KDM6A: variants seen among roughly 807,000 people sequenced by gnomAD.
The protein encoded by KDM6A is lysine demethylase 6A, also known as lysine-specific demethylase 6A.
A neutral mutation model predicts 117.6 loss-of-function variants in KDM6A; 11 were observed. The ratio of observed to expected loss-of-function variants is 0.09; its 90% CI spans 0.06 to 0.15. The LOEUF (loss-of-function observed/expected upper bound fraction) is 0.15. KDM6A is among the 10% of genes least tolerant of loss of function. The pLI is 1.00. For missense variants in KDM6A, 799 were observed against 1,077.3 expected (o/e 0.74, Z 3.62); for synonymous variants, 384 against 396.1 (o/e 0.97, Z 0.36).
At position 45,042,638 on chromosome X, in the gene KDM6A, T is replaced by C. The variant is rs367741353; in HGVS notation, c.654+4949T>C. 3.7e-5 allele frequency among the ~76,000 whole-genome samples: 4 copies of C among 106,984 alleles called. No homozygotes were observed. In the East Asian group the frequency reaches 1.2e-3, roughly 32 times the overall value. The allele number at this position is 106,984 out of a possible 115,157, so 92.9% of individuals were successfully genotyped here. A position where few individuals can be genotyped will look rare whatever the true frequency, so the allele number is the denominator to read the frequency against. On this transcript the variant is annotated intron_variant, in intron 8 of 29. Transcript: ENST00000611820. The stretch of plus-strand genomic sequence containing the variant: ...AACAATAGTTCAAGGGAAGTTTCTC[T>C]ACTTCTCTACATAGGAAGAAGTTTC...
intron 2 of KDM6A, among the ~76,000 whole-genome samples, chrX:44,945,147 C>T (rs2037558019): frequency 9.0e-6 from 1 of 111,360 alleles, no homozygotes; most frequent in African/African-American, 3.3e-5. Context: ...TGTAGGTTGA[C>T]AGAGTCGCCT....
chrX:45,091,013 A>G (rs1459417979), intron 27 of KDM6A, 149 bp downstream of exon 27: 3 of 621,968 alleles, frequency 4.8e-6, no homozygotes, highest in Non-Finnish European at 7.5e-6. Flanking sequence ...CATGTTAAAA[A>G]TATTTTTCCC....
intron 2 of KDM6A, among the ~76,000 whole-genome samples, chrX:44,907,207 T>A (rs1268869573): frequency 1.8e-5 from 2 of 112,610 alleles, no homozygotes; most frequent in Non-Finnish European, 3.8e-5. Context: ...TGTTTTAATT[T>A]TCTGTGTTTT....
chrX:44,876,704 G>C (rs1204723863), intron 2 of KDM6A, among the ~76,000 whole-genome samples: 2 of 92,089 alleles, frequency 2.2e-5, no homozygotes, highest in East Asian at 3.6e-4. Context: ...ATTACTACTT[G>C]TTTTCAAAAA....
chrX:44,961,576 A>T (rs1038442493), intron 3 of KDM6A, among the ~76,000 whole-genome samples, 184 bp downstream of exon 3: 1 of 111,990 alleles, frequency 8.9e-6, no homozygotes, highest in African/African-American at 3.2e-5. Context: ...TAAAAGTGAA[A>T]ACCACCTGCA....
intron 5 of KDM6A, among the ~76,000 whole-genome samples, chrX:45,011,768 ATTTATTTATTTAT>A (rs2041767780): frequency 3.6e-5 from 4 of 110,883 alleles, no homozygotes; most frequent in African/African-American, 6.5e-5. Flanking sequence ...TTGTTTATTT[ATTTATTTATTTAT>A]TTTATTTATT....
intron 4 of KDM6A, among the ~76,000 whole-genome samples, chrX:44,980,608 A>G (rs765542911): frequency 9.8e-6 from 1 of 101,634 alleles, no homozygotes; most frequent in Non-Finnish European, 2.0e-5. Flanking sequence ...TTTTATTTCC[A>G]ATTGTTTTAT....
At chrX:45,093,374 C>CAA (rs370028474) in intron 27 of KDM6A, among the ~76,000 whole-genome samples, 1 of 85,831 alleles carries the variant, frequency 1.2e-5, no homozygotes, top group African/African-American at 4.0e-5. Flanking sequence ...GACTCTCTCT[C>CAA]AAAAAAAAAA....
chrX:45,007,512 A>G (rs2041556379), intron 4 of KDM6A, among the ~76,000 whole-genome samples: 1 of 111,954 alleles, frequency 8.9e-6, no homozygotes, highest in Non-Finnish European at 1.9e-5. Context: ...CGTGTCTTGA[A>G]CTTGATGGAG....
chrX:44,908,463 C>T (rs1003074268), intron 2 of KDM6A, among the ~76,000 whole-genome samples: 33 of 111,576 alleles, frequency 3.0e-4, no homozygotes, highest in Admixed American at 2.2e-3. Context: ...ATGTGTGGCA[C>T]CTTGGCAAGG....
intron 17 of KDM6A, among the ~76,000 whole-genome samples, chrX:45,065,507 G>A (rs181756244): frequency 8.0e-4 from 89 of 111,860 alleles, no homozygotes; most frequent in Non-Finnish European, 1.5e-4. Context: ...AAGTAGAAAT[G>A]GTATGACCAT....
intron 27 of KDM6A, among the ~76,000 whole-genome samples, chrX:45,103,441 A>T (rs1387490274): frequency 3.6e-5 from 4 of 110,513 alleles, no homozygotes; most frequent in African/African-American, 1.3e-4. Context: ...ACCTCCCCTC[A>T]CCTGAAGATG....
At chrX:44,894,519 G>A (rs1385316510) in intron 2 of KDM6A, among the ~76,000 whole-genome samples, 1 of 110,581 alleles carries the variant, frequency 9.0e-6, no homozygotes, top group Admixed American at 9.7e-5. Context: ...TTTAATGTTA[G>A]CAAAATCTGT....
At chrX:45,066,333 T>G (rs2044531138) in intron 17 of KDM6A, among the ~76,000 whole-genome samples, 1 of 112,095 alleles carries the variant, frequency 8.9e-6, no homozygotes, top group Non-Finnish European at 1.9e-5. Context: ...AGGCTTCCAT[T>G]TCCATATACC....
At chrX:44,986,685 G>A (rs2040245122) in intron 4 of KDM6A, among the ~76,000 whole-genome samples, 1 of 111,846 alleles carries the variant, frequency 8.9e-6, no homozygotes, top group Non-Finnish European at 1.9e-5. Context: ...AGTCATTCAG[G>A]AGCAGGTTGT....
intron 4 of KDM6A, among the ~76,000 whole-genome samples, chrX:45,003,869 T>C (rs1243448682): frequency 1.0e-5 from 1 of 98,404 alleles, no homozygotes; most frequent in African/African-American, 3.8e-5. Context: ...CTCTCTCCCC[T>C]CTCTCTCTCT....
intron 4 of KDM6A, among the ~76,000 whole-genome samples, chrX:44,995,451 G>T (rs1414892774): frequency 9.0e-6 from 1 of 110,606 alleles, no homozygotes; most frequent in Non-Finnish European, 1.9e-5. Context: ...AAATGAAATT[G>T]TTGGGATACT....
chrX:44,935,368 G>A (rs1386890931), intron 2 of KDM6A, among the ~76,000 whole-genome samples: 1 of 110,785 alleles, frequency 9.0e-6, no homozygotes, highest in Non-Finnish European at 1.9e-5. Flanking sequence ...AGAATATGAT[G>A]TACAGCCAAA....
chrX:45,082,258 C>T, intron 21 of KDM6A: 1 of 252,532 alleles, frequency 4.0e-6, no homozygotes, highest in African/African-American at 2.8e-5. Flanking sequence ...CATGGCAAAA[C>T]CCCATCTCTA....
Sources: gnomAD v4.1 joint callset for allele counts (sites outside exome capture counted in the v4.1 genomes callset) on GRCh38, gnomAD v4.1.1 for gene constraint, MANE v1.5 for transcripts, NCBI Gene and HGNC (gene_info 2026-07-23, HGNC 2026-07-21) for gene names.